The following DPP6 variants were observed in gnomAD, a reference collection of about 807,000 sequenced individuals.
The protein encoded by DPP6 is dipeptidyl peptidase like 6.
Under a neutral mutation model 122.6 loss-of-function variants are expected in DPP6, and 69 were observed. The observed-to-expected ratio is 0.56, with a 90% confidence interval of 0.46 to 0.69. The LOEUF is 0.69. Among genes scored for constraint, DPP6 ranks in the 30% least tolerant of loss-of-function variants. The pLI, the probability that DPP6 is intolerant of heterozygous loss-of-function variation, is 0.00. For missense variants in DPP6, 928 were observed against 1,116.9 expected, an observed-to-expected ratio of 0.83 and a Z score of 2.41; for synonymous variants, 418 against 433.1, an observed-to-expected ratio of 0.97 and a Z score of 0.43.
chr7:154,360,459 G>T, intron 1 of DPP6, among the ~76,000 whole-genome samples: 1 of 152,204 alleles, frequency 6.6e-6, no homozygotes, highest in East Asian at 1.9e-4. Flanking sequence ...CGTACAAGAT[G>T]ATCGTTCCAG....
chr7:154,260,208 G>T (rs1802904299), intron 1 of DPP6, among the ~76,000 whole-genome samples: 1 of 152,162 alleles, frequency 6.6e-6, no homozygotes, highest in South Asian at 2.1e-4. Context: ...TCCATGGGTA[G>T]GAGTTGGGGC....
chr7:154,659,205 C>G (rs1003664657), intron 6 of DPP6, among the ~76,000 whole-genome samples: 3 of 152,210 alleles, frequency 2.0e-5, no homozygotes, highest in African/African-American at 7.2e-5. Context: ...AGACCCTAAA[C>G]CCAGTTTCCC....
At chr7:154,529,601 C>G (rs747200854) in intron 3 of DPP6, among the ~76,000 whole-genome samples, 2 of 152,156 alleles carry the variant, frequency 1.3e-5, no homozygotes, top group Non-Finnish European at 2.9e-5. Context: ...ATTTCTGGAA[C>G]TGACAAAGAT....
intron 5 of DPP6, among the ~76,000 whole-genome samples, chr7:154,597,197 C>T (rs978130662): frequency 6.7e-6 from 1 of 150,200 alleles, no homozygotes; most frequent in African/African-American, 2.5e-5. Flanking sequence ...GGTGGGGAGA[C>T]AGAGAAGGAG....
At chr7:153,768,529 T>C in the DPP6 span, among the ~76,000 whole-genome samples, 6 of 152,186 alleles carry the variant, frequency 3.9e-5, no homozygotes, top group South Asian at 4.1e-4. Context: ...CAACACTTGA[T>C]GTTATCACCT....
chr7:153,832,307 T>C, the DPP6 span, among the ~76,000 whole-genome samples: 5 of 152,228 alleles, frequency 3.3e-5, no homozygotes, highest in Admixed American at 3.3e-4. Flanking sequence ...TCTCTGCTGG[T>C]AAAAGGGATA....
At chr7:154,849,061 C>T (rs1287074273) in intron 16 of DPP6, among the ~76,000 whole-genome samples, 2 of 150,164 alleles carry the variant, frequency 1.3e-5, no homozygotes, top group Non-Finnish European at 2.9e-5. Context: ...TTGATTACTA[C>T]ATCTTTGTAA....
chr7:154,284,637 T>C (rs574283214), intron 1 of DPP6, among the ~76,000 whole-genome samples: 70 of 152,314 alleles, frequency 4.6e-4, no homozygotes, highest in African/African-American at 1.6e-3. Flanking sequence ...GGCTGATCAC[T>C]TGAGGTCAGG....
Position 154,807,054 on chromosome 7 carries a change from C to T in DPP6, c.1608C>T (p.Cys536=), listed in dbSNP as rs201253009. ...QCLSCDLVEN[C]TYFSASFSHS... Reference sequence around the variant, plus strand: ...TCTCCTGTGACCTGGTTGAGAACTGCACCTACTTCAGCGCTTCCTTCAGCC... The same window carrying T: ...TCTCCTGTGACCTGGTTGAGAACTGTACCTACTTCAGCGCTTCCTTCAGCC... The change falls in exon 16 of 26, where the codon TGC becomes TGT. Residue 536 remains cysteine, a synonymous_variant. Coordinates refer to ENST00000377770, the MANE Select transcript of DPP6 (RefSeq NM_130797.4). 167 of 1,613,782 alleles carry T rather than the reference C, an allele frequency of 1.0e-4. 2 individuals carry two copies. Among genetic ancestry groups the T allele is most frequent in the Middle Eastern group, 4.9e-4 (3 of 6,084 alleles).
At chr7:154,649,920 C>T (rs1180736031) in intron 6 of DPP6, among the ~76,000 whole-genome samples, 3 of 152,212 alleles carry the variant, frequency 2.0e-5, no homozygotes, top group African/African-American at 7.2e-5. Flanking sequence ...TTCCTGCTTG[C>T]TCCATGAAGT....
intron 12 of DPP6, among the ~76,000 whole-genome samples, chr7:154,800,344 G>A (rs1798286064): frequency 6.6e-6 from 1 of 152,192 alleles, no homozygotes; most frequent in Non-Finnish European, 1.5e-5. Context: ...GCTTGTGCCA[G>A]CTGGGGTTTA....
intron 16 of DPP6, among the ~76,000 whole-genome samples, chr7:154,811,892 A>G (rs1799084373): frequency 6.6e-6 from 1 of 152,136 alleles, no homozygotes; most frequent in African/African-American, 2.4e-5. Context: ...CTCCTGCAGC[A>G]TTTTGTTATA....
chr7:154,351,213 A>G (rs553000962), intron 1 of DPP6, among the ~76,000 whole-genome samples: 108 of 152,268 alleles, frequency 7.1e-4, no homozygotes, highest in African/African-American at 2.4e-3. Context: ...ATTTGGTTTT[A>G]TTAATTTTAT....
chr7:154,764,204 T>C (rs1587068585), intron 8 of DPP6, among the ~76,000 whole-genome samples: 1 of 152,292 alleles, frequency 6.6e-6, no homozygotes, highest in Middle Eastern at 3.4e-3. Context: ...GGCAGCTCTG[T>C]CTTCATCTTG....
rs1806679154 is a variant in DPP6, at chr7:154,892,281, T to A, written c.2452-53T>A. The A allele has an allele frequency of 1.2e-5, 19 of 1,612,050 alleles. No individual in the cohort carries two copies. In the South Asian group the frequency reaches 1.9e-4, roughly 16 times the overall value. On this transcript the variant is annotated intron_variant, in intron 25 of 25. Coordinates refer to ENST00000377770, the MANE Select transcript of DPP6 (RefSeq NM_130797.4). ...ACTCCACACCTTCTGTGCGTTCCCG[T>A]CCCCTGGGGAGCGTATACCTGGGAG... is the stretch of plus-strand genomic sequence containing the variant.
chr7:154,524,420 A>G (rs987794692), intron 3 of DPP6, among the ~76,000 whole-genome samples: 4 of 152,168 alleles, frequency 2.6e-5, no homozygotes, highest in African/African-American at 9.7e-5. Context: ...GAACACATAG[A>G]ATAAGTCATT....
intron 12 of DPP6, among the ~76,000 whole-genome samples, chr7:154,799,313 T>C (rs1015512318): frequency 6.6e-6 from 1 of 152,102 alleles, no homozygotes; most frequent in African/African-American, 2.4e-5. Flanking sequence ...GGAAAATGCA[T>C]GTGTGGAGAC....
At chr7:154,864,815 C>T (rs1235832884) in intron 17 of DPP6, among the ~76,000 whole-genome samples, 10 of 152,160 alleles carry the variant, frequency 6.6e-5, no homozygotes, top group East Asian at 3.9e-4. Flanking sequence ...AGTCCATGAG[C>T]GATTAGAACA....
intron 1 of DPP6, among the ~76,000 whole-genome samples, chr7:154,093,111 A>G (rs899668607): frequency 1.3e-5 from 2 of 151,826 alleles, no homozygotes; most frequent in African/African-American, 4.8e-5. Context: ...CTCACACAGC[A>G]TAACACACCA....
Sources: gnomAD v4.1 joint callset for allele counts (sites outside exome capture counted in the v4.1 genomes callset) on GRCh38, gnomAD v4.1.1 for gene constraint, MANE v1.5 for transcripts, NCBI Gene and HGNC (gene_info 2026-07-23, HGNC 2026-07-21) for gene names.